Variants in CD226 observed in about 807,000 individuals in gnomAD.
CD226 encodes CD226 antigen.
In CD226, 24 loss-of-function variants were observed where a neutral mutation model predicts 34.9. That is an observed-to-expected ratio of 0.69 (90% CI 0.50 to 0.97). The LOEUF (loss-of-function observed/expected upper bound fraction) is 0.97. Ranked by LOEUF, CD226 falls within the 50% of genes least tolerant of loss-of-function variation. The pLI, the probability that CD226 is intolerant of heterozygous loss-of-function variation, is 0.00. For missense variants in CD226, 397 were observed against 412.7 expected, an observed-to-expected ratio of 0.96 and a Z score of 0.33; for synonymous variants, 148 against 147.4, an observed-to-expected ratio of 1.00 and a Z score of -0.03.
intron 3 of CD226, among the ~76,000 whole-genome samples, chr18:69,883,363 G>C (rs1984376353): frequency 6.6e-6 from 1 of 152,200 alleles, no homozygotes; most frequent in Non-Finnish European, 1.5e-5. Flanking sequence ...GTGATGCTTT[G>C]TAGTGAGCGA....
At chr18:69,931,917 G>A (rs1270339946) in intron 2 of CD226, among the ~76,000 whole-genome samples, 1 of 152,004 alleles carries the variant, frequency 6.6e-6, no homozygotes, top group African/African-American at 2.4e-5. Flanking sequence ...TTATTTTATC[G>A]CAATTCTGCA....
chr18:69,958,683 A>G (rs1157785715), upstream of CD226, among the ~76,000 whole-genome samples: 1 of 151,978 alleles, frequency 6.6e-6, no homozygotes, highest in African/African-American at 2.4e-5. Context: ...GCTTGAAAGT[A>G]TCTTTTGCTT....
intron 2 of CD226, among the ~76,000 whole-genome samples, chr18:69,916,959 T>C (rs2055393312): frequency 6.6e-6 from 1 of 152,148 alleles, no homozygotes; most frequent in African/African-American, 2.4e-5. Context: ...ACTCCTTCCT[T>C]TGTGCATCCC....
chr18:69,923,814 C>T (rs1167190077), intron 2 of CD226, among the ~76,000 whole-genome samples: 2 of 151,942 alleles, frequency 1.3e-5, no homozygotes, highest in African/African-American at 2.4e-5. Context: ...ATTAGCCGGG[C>T]GTAGTGGCGG....
chr18:69,948,271 A>C (rs2055816827), upstream of CD226, among the ~76,000 whole-genome samples: 2 of 152,180 alleles, frequency 1.3e-5, no homozygotes, highest in Non-Finnish European at 1.5e-5. Flanking sequence ...CCAATTCTTA[A>C]GAACTTGTTA....
At chr18:69,960,811 A>G (rs1209914123), upstream of CD226, among the ~76,000 whole-genome samples, 1 of 152,214 alleles carries the variant, frequency 6.6e-6, no homozygotes, top group African/African-American at 2.4e-5. Context: ...TTACAATTTC[A>G]TCAGCATGAT....
intron 2 of CD226, among the ~76,000 whole-genome samples, chr18:69,903,837 A>G (rs2145267897): frequency 6.6e-6 from 1 of 152,260 alleles, no homozygotes; most frequent in South Asian, 2.1e-4. Context: ...ACTGCAAGAC[A>G]ACACATTTCT....
Position 69,915,961 on chromosome 18 carries a change from C to T in CD226, c.383-19916G>A, listed in dbSNP as rs559336448. On this transcript the variant is annotated intron_variant, in intron 2 of 5. Coordinates refer to ENST00000582621, the MANE Select transcript of CD226 (RefSeq NM_001303618.2). ...CAGTGGTAATGATTACAGATATACC[C>T]TAATGTGAGGTTTATTGCAGTTGTG... Among the ~76,000 whole-genome samples, 56 of 152,204 alleles carry T rather than the reference C, an allele frequency of 3.7e-4. No individual in the cohort carries two copies. The South Asian group carries it at 5.8e-3, about 16-fold the overall frequency.
At chr18:69,912,013 T>C (rs1322905598) in intron 2 of CD226, among the ~76,000 whole-genome samples, 2 of 152,218 alleles carry the variant, frequency 1.3e-5, no homozygotes, top group Non-Finnish European at 2.9e-5. Context: ...CTTTCTTTTT[T>C]TATTATACTT....
intron 2 of CD226, among the ~76,000 whole-genome samples, chr18:69,898,511 T>C (rs1053011250): frequency 6.6e-6 from 1 of 152,052 alleles, no homozygotes; most frequent in Non-Finnish European, 1.5e-5. Flanking sequence ...CTAGAGGGGA[T>C]GCAGCTGTCT....
chr18:69,875,861 T>G (rs1157339194), intron 3 of CD226, among the ~76,000 whole-genome samples: 3 of 152,120 alleles, frequency 2.0e-5, no homozygotes, highest in Non-Finnish European at 2.9e-5. Flanking sequence ...TCTAAAAAAG[T>G]CAAACTTATA....
intron 5 of CD226, among the ~76,000 whole-genome samples, chr18:69,866,998 C>T (rs1285960272): frequency 6.6e-6 from 1 of 152,152 alleles, no homozygotes. Flanking sequence ...TGTACTTCAA[C>T]CCTCCAGAAT....
At chr18:69,901,261 T>G (rs983491884) in intron 2 of CD226, among the ~76,000 whole-genome samples, 6 of 152,150 alleles carry the variant, frequency 3.9e-5, no homozygotes, top group African/African-American at 1.4e-4. Flanking sequence ...TTCATAGAAC[T>G]GGAGAAATGC....
intron 1 of CD226, among the ~76,000 whole-genome samples, chr18:69,953,305 C>T (rs886586223): frequency 5.3e-5 from 8 of 152,086 alleles, no homozygotes; most frequent in African/African-American, 7.2e-5. Flanking sequence ...AAGGTGGTAA[C>T]GATCCAAGCG....
At chr18:69,887,768 A>G (rs1045328978) in intron 3 of CD226, among the ~76,000 whole-genome samples, 2 of 152,234 alleles carry the variant, frequency 1.3e-5, no homozygotes, top group African/African-American at 4.8e-5. Flanking sequence ...GAGTTCTACC[A>G]AAGTTAAAAA....
At chr18:69,913,364 A>G (rs1361799902) in intron 2 of CD226, among the ~76,000 whole-genome samples, 1 of 152,234 alleles carries the variant, frequency 6.6e-6, no homozygotes, top group Non-Finnish European at 1.5e-5. Flanking sequence ...ATTGTCACAG[A>G]GCACAGATCA....
At chr18:69,942,774 T>A (rs1459051952) in intron 2 of CD226, among the ~76,000 whole-genome samples, 1 of 152,114 alleles carries the variant, frequency 6.6e-6, no homozygotes, top group Non-Finnish European at 1.5e-5. Flanking sequence ...CCACATCTTA[T>A]CCAAATCCAG....
intron 2 of CD226, among the ~76,000 whole-genome samples, chr18:69,900,034 C>T (rs567558268): frequency 6.6e-6 from 1 of 152,282 alleles, no homozygotes; most frequent in East Asian, 1.9e-4. Context: ...TCAACCTAAA[C>T]GTCCATCAGT....
upstream of CD226, among the ~76,000 whole-genome samples, chr18:69,960,592 G>A (rs1294526426): frequency 6.6e-6 from 1 of 152,184 alleles, no homozygotes; most frequent in African/African-American, 2.4e-5. Flanking sequence ...TGGGATTACA[G>A]GCATGCACCA....
Sources: gnomAD v4.1 joint callset for allele counts (sites outside exome capture counted in the v4.1 genomes callset) on GRCh38, gnomAD v4.1.1 for gene constraint, MANE v1.5 for transcripts, NCBI Gene and HGNC (gene_info 2026-07-23, HGNC 2026-07-21) for gene names.